The following DNAAF9 variants were observed in gnomAD, a reference collection of about 807,000 sequenced individuals.
DNAAF9 encodes dynein axonemal assembly factor 9.
In DNAAF9, 90 loss-of-function variants were observed where a neutral mutation model predicts 167.0. The observed-to-expected ratio is 0.54, with a 90% CI of 0.45 to 0.64. DNAAF9 has a LOEUF of 0.64. Among genes scored for constraint, DNAAF9 ranks in the 30% least tolerant of loss-of-function variants. The pLI is 0.00. For synonymous variants in DNAAF9, 491 were observed against 508.8 expected, an observed-to-expected ratio of 0.96 and a Z score of 0.47; for missense variants, 1,315 against 1,442.2, an observed-to-expected ratio of 0.91 and a Z score of 1.43.
At chr20:3,306,355 C>T (rs1370415561) in intron 20 of DNAAF9, among the ~76,000 whole-genome samples, 2 of 152,190 alleles carry the variant, frequency 1.3e-5, no homozygotes, top group Admixed American at 6.5e-5. Flanking sequence ...TCTTCTCATC[C>T]ACATCAAGGG....
intron 1 of DNAAF9, among the ~76,000 whole-genome samples, chr20:3,393,056 C>G (rs1234802109): frequency 2.0e-5 from 3 of 152,114 alleles, no homozygotes; most frequent in Non-Finnish European, 4.4e-5. Context: ...TTTCACTTAA[C>G]ATTATACCTC....
intron 3 of DNAAF9, among the ~76,000 whole-genome samples, chr20:3,378,143 T>C (rs1458162224): frequency 6.6e-6 from 1 of 152,136 alleles, no homozygotes; most frequent in Non-Finnish European, 1.5e-5. Context: ...GCTGAGTACT[T>C]CACTGCAGAG....
intron 27 of DNAAF9, among the ~76,000 whole-genome samples, chr20:3,282,127 T>C (rs150046890): frequency 8.8e-4 from 134 of 152,304 alleles, no homozygotes; most frequent in Non-Finnish European, 1.4e-3. Context: ...TTTTCTTTAG[T>C]AGCTCCTTTC....
chr20:3,381,608 C>T (rs2083655138), intron 2 of DNAAF9, 110 bp from the exon 3 acceptor site: 3 of 1,117,300 alleles, frequency 2.7e-6, no homozygotes, highest in Non-Finnish European at 3.7e-6. Context: ...AAGGACGCAG[C>T]TCAGACCAGT....
intron 12 of DNAAF9, among the ~76,000 whole-genome samples, chr20:3,326,812 T>C (rs1486181870): frequency 6.6e-6 from 1 of 151,808 alleles, no homozygotes; most frequent in Non-Finnish European, 1.5e-5. Context: ...TAAATCACCT[T>C]AAGGAAAGTC....
chr20:3,337,444 T>TTTTG (rs1555793650), intron 10 of DNAAF9, among the ~76,000 whole-genome samples: 3 of 150,588 alleles, frequency 2.0e-5, no homozygotes, highest in South Asian at 2.1e-4. Context: ...TTTTTTGTTT[T>TTTTG]TTTTTTTTTT....
At chr20:3,336,258 G>GTTTTTTTTTTTTTTTTTTTT (rs367718705) in intron 10 of DNAAF9, among the ~76,000 whole-genome samples, 1 of 113,566 alleles carries the variant, frequency 8.8e-6, no homozygotes, top group Non-Finnish European at 1.7e-5. Context: ...TTGCGTTTTT[G>GTTTTTTTTTTTTTTTTTTTT]TTTTTTTTTT....
intron 17 of DNAAF9, 55 bp downstream of exon 17, chr20:3,318,234 C>CAAAAAA: frequency 1.3e-5 from 8 of 620,430 alleles, no homozygotes; most frequent in Admixed American, 2.7e-5. Context: ...TTTATTTTGC[C>CAAAAAA]AAAAAAAAAA....
intron 7 of DNAAF9, among the ~76,000 whole-genome samples, chr20:3,351,854 AT>A (rs1487482926): frequency 2.1e-5 from 3 of 140,524 alleles, no homozygotes; most frequent in African/African-American, 2.7e-5. Flanking sequence ...TTATTTATTT[AT>A]TTATTTATTT....
At chr20:3,321,017 T>C (rs1297822122) in intron 16 of DNAAF9, among the ~76,000 whole-genome samples, 2 of 152,228 alleles carry the variant, frequency 1.3e-5, no homozygotes, top group Non-Finnish European at 2.9e-5. Flanking sequence ...ACTCAGCTTG[T>C]GGCTGAGAAC....
chr20:3,269,730 G>A (rs945348165), intron 30 of DNAAF9, among the ~76,000 whole-genome samples: 25 of 152,102 alleles, frequency 1.6e-4, no homozygotes, highest in Admixed American at 1.6e-3. Context: ...CGAGGCAGGC[G>A]GAACACAAGG....
chr20:3,398,527 G>C (rs1281944477), intron 1 of DNAAF9, among the ~76,000 whole-genome samples: 2 of 152,034 alleles, frequency 1.3e-5, no homozygotes, highest in African/African-American at 4.8e-5. Context: ...AAATTGGATG[G>C]ATAGAGAAAA....
chr20:3,270,183 C>G (rs2122804986), intron 30 of DNAAF9, among the ~76,000 whole-genome samples: 1 of 144,888 alleles, frequency 6.9e-6, no homozygotes, highest in African/African-American at 2.6e-5. Flanking sequence ...CTCTGTCTCT[C>G]AGGCTGTGGA....
At position 3,315,739 on chromosome 20, in the gene DNAAF9, A is replaced by G. The variant is rs749406520; in HGVS notation, c.1586T>C (p.Val529Ala). 1 of 1,612,514 alleles carries G rather than the reference A, an allele frequency of 6.2e-7. No individual in the cohort carries two copies. The highest frequency in any genetic ancestry group is 8.5e-7 in the Non-Finnish European group (1 of 1,178,534). ...GAGAATAAGAAGGCTGCTTACCCTC[A>G]CTGCTTGCTGGGTTTTCTCAGACAA... ...VKLSEKTQQA[V>A]RGDESFLGTY... Residue 529 changes from valine to alanine, a missense_variant, in exon 19 of 37, where the codon GTG (valine) becomes GCG (alanine). By Grantham distance (64) the Val-to-Ala change is moderately conservative. This residue lies in a region of DNAAF9 where 981 missense variants were observed against 1,012.5 expected (regional missense o/e 0.97). Transcript: ENST00000252032. This position sits in a 1 kb window ranked among gnomAD's most constrained non-coding sequence, Gnocchi z 4.1.
intron 29 of DNAAF9, among the ~76,000 whole-genome samples, chr20:3,278,027 C>T (rs1256882582): frequency 6.6e-6 from 1 of 152,202 alleles, no homozygotes. Flanking sequence ...AGACCCCAGG[C>T]ATGTCTCCTG....
At chr20:3,353,228 A>T (rs1293026168) in intron 7 of DNAAF9, among the ~76,000 whole-genome samples, 1 of 151,978 alleles carries the variant, frequency 6.6e-6, no homozygotes, top group Non-Finnish European at 1.5e-5. Context: ...CATAATGCAC[A>T]TCACTGGCCT....
At chr20:3,367,343 C>T (rs562414270) in intron 6 of DNAAF9, among the ~76,000 whole-genome samples, 15 of 152,336 alleles carry the variant, frequency 9.8e-5, no homozygotes, top group African/African-American at 2.6e-4. Context: ...GGTTGTTTCA[C>T]TTTCTTATAA....
chr20:3,391,111 T>C (rs1396542080), intron 1 of DNAAF9, among the ~76,000 whole-genome samples: 1 of 152,238 alleles, frequency 6.6e-6, no homozygotes, highest in African/African-American at 2.4e-5. Context: ...AGTGCAAGCA[T>C]ATAAAATGTA....
At chr20:3,374,877 A>G (rs926496223) in intron 5 of DNAAF9, among the ~76,000 whole-genome samples, 153 bp downstream of exon 5, 5 of 152,210 alleles carry the variant, frequency 3.3e-5, no homozygotes, top group Non-Finnish European at 7.3e-5. Context: ...GCTTGCACAG[A>G]AAAGTCCCCA....
Sources: allele counts gnomAD v4.1 joint callset (sites outside exome capture counted in the v4.1 genomes callset), GRCh38; gene constraint gnomAD v4.1.1; regional missense constraint gnomAD v4.1.1; non-coding constraint Gnocchi (gnomAD v3.1); transcripts MANE v1.5; gene names NCBI Gene and HGNC (gene_info 2026-07-23, HGNC 2026-07-21).